The following MROH2B variants were observed in gnomAD, a reference collection of about 807,000 sequenced individuals.
MROH2B encodes maestro heat like repeat family member 2B, also known as maestro heat-like repeat-containing protein family member 2B.
In MROH2B, 177 loss-of-function variants were observed where a neutral mutation model predicts 208.6. The ratio of observed to expected loss-of-function variants is 0.85; its 90% CI spans 0.75 to 0.96. The LOEUF is 0.96. Among genes scored for constraint, MROH2B ranks in the 40% least tolerant of loss-of-function variants. The pLI, the probability that MROH2B is intolerant of heterozygous loss-of-function variation, is 0.00. For synonymous variants in MROH2B, 728 were observed against 659.0 expected (o/e 1.10, Z -1.60); for missense variants, 2,002 against 1,878.7 (o/e 1.07, Z -1.21).
intron 34 of MROH2B, among the ~76,000 whole-genome samples, chr5:41,006,331 TA>T (rs893500323): frequency 4.9e-4 from 73 of 150,036 alleles, no homozygotes; most frequent in African/African-American, 1.5e-3. Context: ...ATAATAATAA[TA>T]AAAAAAAAGG....
At chr5:41,069,633 G>T (rs564681425) in intron 2 of MROH2B, 58 bp downstream of exon 2, 1 of 1,341,694 alleles carries the variant, frequency 7.5e-7, no homozygotes, top group South Asian at 1.3e-5. Context: ...AAATATATAC[G>T]AAATGTTGCA....
At chr5:41,018,828 G>C (rs1226790043) in intron 25 of MROH2B, 42 bp from the exon 26 acceptor site, 2 of 1,613,682 alleles carry the variant, frequency 1.2e-6, no homozygotes, top group Non-Finnish European at 1.7e-6. Flanking sequence ...GCTGGGGTGA[G>C]AGAGTAAGGC....
intron 24 of MROH2B, among the ~76,000 whole-genome samples, chr5:41,028,153 G>A (rs1330879579): frequency 1.3e-5 from 2 of 152,076 alleles, no homozygotes; most frequent in Admixed American, 1.3e-4. Flanking sequence ...AAACCTGCAC[G>A]TTGTGCACAT....
intron 18 of MROH2B, among the ~76,000 whole-genome samples, chr5:41,044,053 C>T (rs951149501): frequency 2.1e-5 from 3 of 144,862 alleles, no homozygotes; most frequent in African/African-American, 7.8e-5. Context: ...TCCTGGCTAA[C>T]ATGGTGAAAC....
chr5:41,050,037 G>A (rs1743240360), intron 13 of MROH2B, among the ~76,000 whole-genome samples: 1 of 152,098 alleles, frequency 6.6e-6, no homozygotes, highest in South Asian at 2.1e-4. Context: ...TTAATCACCA[G>A]ACTCAGTCCT....
At chr5:41,039,654 T>TG (rs1461470406) in intron 19 of MROH2B, 99 bp from the exon 20 acceptor site, 1 of 783,292 alleles carries the variant, frequency 1.3e-6, no homozygotes, top group Non-Finnish European at 2.0e-6. Flanking sequence ...CTTTAGGTGC[T>TG]GGGGGTACAG....
intron 21 of MROH2B, among the ~76,000 whole-genome samples, chr5:41,036,695 TA>T (rs913233267): frequency 2.0e-5 from 3 of 151,890 alleles, no homozygotes; most frequent in African/African-American, 7.3e-5. Context: ...GGGACAAGGG[TA>T]AAAAAACCTA....
At chr5:41,013,694 G>A (rs1741846352) in intron 29 of MROH2B, among the ~76,000 whole-genome samples, 1 of 152,186 alleles carries the variant, frequency 6.6e-6, no homozygotes, top group Non-Finnish European at 1.5e-5. Context: ...CAAGCTTCAT[G>A]GTTAGCTGTT....
chr5:41,047,836 G>T, intron 16 of MROH2B, 72 bp from the exon 17 acceptor site: 1 of 1,279,686 alleles, frequency 7.8e-7, no homozygotes, highest in African/African-American at 1.5e-5. Context: ...TCCCCTCCAG[G>T]CCTCCAGTGA....
rs747584439 is a variant in MROH2B at position 41,007,473 on chromosome 5, A to G, written c.3609-19T>C. ...TGAAAGCCTAAAGGAGACAGTCAGC[A>G]TTACAAAACTAAGTTGACCCTTATA... On this transcript the variant is annotated intron_variant, in intron 33 of 41. Transcript: ENST00000399564. 6 of 1,538,734 alleles carry G rather than the reference A, an allele frequency of 3.9e-6. No individual in the cohort carries two copies. Among genetic ancestry groups the G allele is most frequent in the Non-Finnish European group, 5.2e-6 (6 of 1,144,844 alleles).
intron 16 of MROH2B, 49 bp from the exon 17 acceptor site, chr5:41,047,813 A>G (rs1024378039): frequency 2.0e-6 from 3 of 1,507,336 alleles, no homozygotes; most frequent in Admixed American, 3.9e-5. Flanking sequence ...AAACCACCCC[A>G]AGACTCAAAT....
chr5:41,054,552 T>A (rs998113620), intron 11 of MROH2B, among the ~76,000 whole-genome samples: 1 of 151,530 alleles, frequency 6.6e-6, no homozygotes, highest in Non-Finnish European at 1.5e-5. Context: ...AGCAAAAATC[T>A]TCTTCTTTTC....
At chr5:41,029,241 C>T (rs555455732) in intron 24 of MROH2B, among the ~76,000 whole-genome samples, 10 of 152,168 alleles carry the variant, frequency 6.6e-5, no homozygotes, top group African/African-American at 2.4e-4. Context: ...AAGTATTTTT[C>T]ATTTGCCTTT....
Position 41,005,557 on chromosome 5 carries a change from T to C in MROH2B, c.3838A>G (p.Ile1280Val). Residue 1280 changes from isoleucine to valine, a missense_variant, in exon 35 of 42, where the codon ATA (isoleucine) becomes GTA (valine). Physicochemically the swap from Ile to Val is conservative, Grantham distance 29. Coordinates refer to ENST00000399564, the MANE Select transcript of MROH2B (RefSeq NM_173489.5). Reference sequence around the variant, plus strand: ...TCAGAGAAGAAAGCTGCGCCGGTTATCCGGTAGTTCTCCGAGGAGGAGGTA... The same window carrying C: ...TCAGAGAAGAAAGCTGCGCCGGTTACCCGGTAGTTCTCCGAGGAGGAGGTA... ...SLTSSSENYR[I>V]TGAAFFSELM... 6.2e-7 allele frequency: 1 copy of C among 1,607,794 alleles called. No individual in the cohort carries two copies. The highest frequency in any genetic ancestry group is 8.5e-7 in the Non-Finnish European group (1 of 1,177,182).
At chr5:41,034,031 C>T (rs1361138387) in intron 21 of MROH2B, 167 bp from the exon 22 acceptor site, 1 of 984,796 alleles carries the variant, frequency 1.0e-6, no homozygotes, top group African/African-American at 1.7e-5. Flanking sequence ...TCACTTCTTC[C>T]ATTTTTAAAG....
chr5:41,038,730 C>CATT lies in MROH2B; in HGVS notation c.2214+3_2214+5dup. 1 of 1,603,430 alleles carries CATT rather than the reference C, an allele frequency of 6.2e-7. No homozygotes were observed. The highest frequency in any genetic ancestry group is 8.5e-7 in the Non-Finnish European group (1 of 1,174,120). ...GAAATGGAGGCAGCCATGCAACGGG[C>CATT]ATTACCTGAGAGCACTGGCCATGAA... On this transcript the variant is annotated splice_donor_region_variant and intron_variant, in intron 21 of 41. Transcript: ENST00000399564.
chr5:41,034,155 A>T (rs1203573466), intron 21 of MROH2B: 1 of 755,064 alleles, frequency 1.3e-6, no homozygotes, highest in Non-Finnish European at 1.6e-6. Flanking sequence ...CATTTTAAAG[A>T]GGCTCAACAG....
At chr5:41,014,823 A>T (rs1741885253) in intron 29 of MROH2B, among the ~76,000 whole-genome samples, 1 of 151,616 alleles carries the variant, frequency 6.6e-6, no homozygotes, top group South Asian at 2.1e-4. Context: ...CCCTTTCTTG[A>T]CTTTATTTTT....
At chr5:41,042,578 C>T (rs1218295762) in intron 18 of MROH2B, among the ~76,000 whole-genome samples, 2 of 152,084 alleles carry the variant, frequency 1.3e-5, no homozygotes, top group Non-Finnish European at 2.9e-5. Flanking sequence ...GCTCAATGAA[C>T]ATGCTCAATA....
Sources: allele counts gnomAD v4.1 joint callset (sites outside exome capture counted in the v4.1 genomes callset), GRCh38; gene constraint gnomAD v4.1.1; transcripts MANE v1.5; gene names NCBI Gene and HGNC (gene_info 2026-07-23, HGNC 2026-07-21).